ARRB1: variants seen among roughly 807,000 people sequenced by gnomAD.
The protein encoded by ARRB1 is arrestin beta 1.
ARRB1 carries 21 observed loss-of-function variants against 56.8 expected under a neutral mutation model. The ratio of observed to expected loss-of-function variants is 0.37; its 90% CI spans 0.26 to 0.53. The LOEUF is 0.53. Among genes scored for constraint, ARRB1 ranks in the 20% least tolerant of loss-of-function variants. ARRB1 has a pLI of 0.88. For synonymous variants in ARRB1, 210 were observed against 218.6 expected (o/e 0.96, Z 0.35); for missense variants, 424 against 553.7 (o/e 0.77, Z 2.35).
At chr11:75,351,075 A>T (rs1464938212) in intron 1 of ARRB1, among the ~76,000 whole-genome samples, 1 of 152,070 alleles carries the variant, frequency 6.6e-6, no homozygotes, top group Non-Finnish European at 1.5e-5. Context: ...TGTGCGTATC[A>T]GTGTATGCCC....
chr11:75,281,826 C>T (rs1351957156), intron 6 of ARRB1, 136 bp downstream of exon 6: 2 of 870,448 alleles, frequency 2.3e-6, no homozygotes, highest in Non-Finnish European at 3.6e-6. Context: ...AAGGTGGGAC[C>T]AGCTTAGCCT....
chr11:75,325,583 A>G (rs1017318279), intron 1 of ARRB1, among the ~76,000 whole-genome samples: 1 of 152,198 alleles, frequency 6.6e-6, no homozygotes, highest in East Asian at 1.9e-4. Flanking sequence ...TCAGCCTCCC[A>G]AAGTGTTGGG....
Position 75,267,712 on chromosome 11 carries a change from A to G in ARRB1, c.1094-9T>C. On this transcript the variant is annotated splice_polypyrimidine_tract_variant and intron_variant, in intron 14 of 15. Transcript: ENST00000420843. The stretch of plus-strand genomic sequence containing the variant: ...CGTCTCGTTCTCTGGAACTAAACAC[A>G]GGGTGGGTGGGCAGGGTGTCCAGGG... The G allele has an allele frequency of 3.0e-6, 2 of 673,580 alleles. No individual in the cohort carries two copies. The highest frequency in any genetic ancestry group is 4.1e-5 in the East Asian group (1 of 24,202). The allele number at this position is 673,580 out of a possible 1,614,324, so 41.7% of individuals were successfully genotyped here.
intron 1 of ARRB1, among the ~76,000 whole-genome samples, chr11:75,335,395 G>A (rs1457829125): frequency 6.6e-6 from 1 of 152,118 alleles, no homozygotes; most frequent in Non-Finnish European, 1.5e-5. Flanking sequence ...GACCAGCCTG[G>A]GCAATGTAGC....
intron 1 of ARRB1, among the ~76,000 whole-genome samples, chr11:75,296,766 C>T (rs1946760076): frequency 6.6e-6 from 1 of 152,118 alleles, no homozygotes; most frequent in Non-Finnish European, 1.5e-5. Context: ...CAACCTCCAT[C>T]TCCCAGGCTC....
At chr11:75,341,480 A>G (rs1947692894) in intron 1 of ARRB1, among the ~76,000 whole-genome samples, 1 of 152,110 alleles carries the variant, frequency 6.6e-6, no homozygotes, top group South Asian at 2.1e-4. Context: ...CTGCCCACAG[A>G]AACCCCATTA....
Position 75,273,264 on chromosome 11 carries a change from C to T in ARRB1, c.915-286G>A, listed in dbSNP as rs942535949. Among the ~76,000 whole-genome samples, 14 of 152,296 alleles carry T rather than the reference C, an allele frequency of 9.2e-5. No individual in the cohort carries two copies. In the South Asian group the frequency reaches 2.9e-3, roughly 32 times the overall value. On this transcript the variant is annotated intron_variant, in intron 11 of 15. Transcript: ENST00000420843. ...GCGTCCCCGCCATGAGGGCCAGGCT[C>T]CTCCTCCCCTCAGATGGATTCTGCT...
At chr11:75,287,522 C>A (rs1946509710) in intron 2 of ARRB1, 147 bp from the exon 3 acceptor site, 4 of 719,948 alleles carry the variant, frequency 5.6e-6, no homozygotes, top group Non-Finnish European at 8.9e-6. Context: ...TGGGCCTTCA[C>A]CCCAGCCCTA....
chr11:75,349,085 A>T (rs962632775), intron 1 of ARRB1, among the ~76,000 whole-genome samples: 5 of 152,230 alleles, frequency 3.3e-5, no homozygotes, highest in African/African-American at 1.2e-4. Context: ...CTCATGCCTT[A>T]CGGAAAAAGA....
chr11:75,319,986 T>A (rs548027481), intron 1 of ARRB1, among the ~76,000 whole-genome samples: 1 of 152,166 alleles, frequency 6.6e-6, no homozygotes, highest in South Asian at 2.1e-4. Flanking sequence ...AGAGGCCCAG[T>A]TGGCTGTGAA....
At chr11:75,301,593 C>T (rs1946906035) in intron 1 of ARRB1, among the ~76,000 whole-genome samples, 1 of 152,178 alleles carries the variant, frequency 6.6e-6, no homozygotes, top group Non-Finnish European at 1.5e-5. Context: ...GCAGCCATGG[C>T]TCAGCTGGGT....
At position 75,282,011 on chromosome 11, in the gene ARRB1, T is replaced by C; in HGVS notation, c.365A>G (p.Asn122Ser). ...AYPFTFEIPP[N>S]LPCSVTLQPG... is the part of the protein sequence containing the mutation. ...CTGCAGTGTCACAGAACATGGAAGG[T>C]TTGGAGGGATCTGTCAAGAAGAGGA... is the stretch of plus-strand genomic sequence containing the variant. The change falls in exon 6 of 16, where the codon AAC becomes AGC. Residue 122 changes from asparagine to serine, a missense_variant. Asn to Ser is a conservative substitution (Grantham distance 46). This residue lies in a region of ARRB1 where 301 missense variants were observed against 387.9 expected (regional missense o/e 0.78). Transcript: ENST00000420843. The C allele has an allele frequency of 6.2e-7, 1 of 1,613,806 alleles. No homozygotes were observed. The highest frequency in any genetic ancestry group is 8.5e-7 in the Non-Finnish European group (1 of 1,179,904).
intron 12 of ARRB1, among the ~76,000 whole-genome samples, chr11:75,272,303 T>G (rs1946089566): frequency 6.6e-6 from 1 of 152,230 alleles, no homozygotes; most frequent in Admixed American, 6.5e-5. Context: ...TTTGTTTTTC[T>G]CCCTGAGCTT....
intron 1 of ARRB1, among the ~76,000 whole-genome samples, chr11:75,307,145 C>A (rs769411127): frequency 6.6e-6 from 1 of 152,208 alleles, no homozygotes; most frequent in Non-Finnish European, 1.5e-5. Flanking sequence ...GTCTTCCCTT[C>A]CTCCCTGCCC....
At chr11:75,326,256 T>C (rs1275178091) in intron 1 of ARRB1, among the ~76,000 whole-genome samples, 3 of 152,182 alleles carry the variant, frequency 2.0e-5, no homozygotes, top group Non-Finnish European at 2.9e-5. Context: ...GAGTCATGCT[T>C]GCAGCTGCGT....
chr11:75,350,125 C>T (rs1947824629), intron 1 of ARRB1, among the ~76,000 whole-genome samples: 1 of 152,224 alleles, frequency 6.6e-6, no homozygotes, highest in South Asian at 2.1e-4. Context: ...CCTGTTTCCT[C>T]CTCTAGAAAA....
At chr11:75,284,356 G>A in intron 3 of ARRB1, 77 bp from the exon 4 acceptor site, 1 of 1,400,484 alleles carries the variant, frequency 7.1e-7, no homozygotes. Context: ...ACCAGCCCAA[G>A]CCCAGATCCA....
chr11:75,349,271 C>T (rs1947813321), intron 1 of ARRB1, among the ~76,000 whole-genome samples: 1 of 152,226 alleles, frequency 6.6e-6, no homozygotes, highest in Non-Finnish European at 1.5e-5. Context: ...GCCTCTTCCC[C>T]TGCCCAGTGA....
intron 7 of ARRB1, among the ~76,000 whole-genome samples, chr11:75,279,927 C>T (rs369436387): frequency 1.2e-3 from 180 of 152,322 alleles, no homozygotes; most frequent in African/African-American, 4.3e-3. Context: ...CTTCGGCCTT[C>T]CAGAGCTCTG....
Sources: gnomAD v4.1 joint callset for allele counts (sites outside exome capture counted in the v4.1 genomes callset) on GRCh38, gnomAD v4.1.1 for gene constraint, gnomAD v4.1.1 regional missense constraint, MANE v1.5 for transcripts, NCBI Gene and HGNC (gene_info 2026-07-23, HGNC 2026-07-21) for gene names.